The following TRIM5 variants were observed in gnomAD, a reference collection of about 807,000 sequenced individuals.
TRIM5 encodes tripartite motif-containing protein 5.
In TRIM5, 31 loss-of-function variants were observed where a neutral mutation model predicts 35.6. The observed-to-expected ratio is 0.87, with a 90% confidence interval of 0.65 to 1.18. TRIM5 has a LOEUF of 1.18. Among genes scored for constraint, TRIM5 ranks in the 50% most tolerant of loss-of-function variants. TRIM5 has a pLI of 0.00. For synonymous variants in TRIM5, 243 were observed against 215.6 expected, an observed-to-expected ratio of 1.13 and a Z score of -1.11; for missense variants, 609 against 591.6, an observed-to-expected ratio of 1.03 and a Z score of -0.31.
At chr11:5,600,241 T>C in the TRIM5 span, among the ~76,000 whole-genome samples, 2 of 152,228 alleles carry the variant, frequency 1.3e-5, no homozygotes, top group Non-Finnish European at 2.9e-5. Flanking sequence ...AAAGATCTAC[T>C]AAATACCAGT....
At chr11:5,610,424 T>G in the TRIM5 span, 21 of 1,597,490 alleles carry the variant, frequency 1.3e-5, no homozygotes, top group Non-Finnish European at 1.7e-5. Context: ...AATGGCCAGG[T>G]GACATCCTCA....
chr11:5,668,677 T>C (rs1260029039), intron 4 of TRIM5, among the ~76,000 whole-genome samples: 1 of 152,120 alleles, frequency 6.6e-6, no homozygotes, highest in African/African-American at 2.4e-5. Flanking sequence ...CTTGAACTCC[T>C]GACCTCAAGT....
the TRIM5 span, chr11:5,643,285 A>G: frequency 1.2e-4 from 196 of 1,614,066 alleles, 2 homozygotes; most frequent in South Asian, 1.9e-3. Flanking sequence ...TCCTCTGGGA[A>G]ACATTACTGG....
chr11:5,591,625 G>A, the TRIM5 span, among the ~76,000 whole-genome samples: 2 of 151,364 alleles, frequency 1.3e-5, no homozygotes, highest in Non-Finnish European at 2.9e-5. Flanking sequence ...TCCAGCCTGG[G>A]CAAAAAGGGC....
the TRIM5 span, chr11:5,605,134 C>A: frequency 3.0e-6 from 2 of 667,688 alleles, no homozygotes; most frequent in East Asian, 2.9e-5. Context: ...TAAAGCAGCC[C>A]GGGGCCAATG....
At chr11:5,634,530 C>CACATATATATATATATAT in the TRIM5 span, 9 of 203,882 alleles carry the variant, frequency 4.4e-5, no homozygotes, top group African/African-American at 3.1e-4. Context: ...CACACACACA[C>CACATATATATATATATAT]ATATATATAT....
downstream of TRIM5, among the ~76,000 whole-genome samples, chr11:5,662,124 G>C (rs1365386189): frequency 6.6e-6 from 1 of 152,218 alleles, no homozygotes; most frequent in East Asian, 1.9e-4. Flanking sequence ...CTGAGGTAGA[G>C]AGGTGTGTGC....
chr11:5,611,235 T>G, the TRIM5 span: 1 of 1,613,618 alleles, frequency 6.2e-7, no homozygotes, highest in Non-Finnish European at 8.5e-7. Flanking sequence ...AAACCATGGC[T>G]TCCCCATCTA....
chr11:5,642,374 T>C, the TRIM5 span: 1 of 1,590,908 alleles, frequency 6.3e-7, no homozygotes. Flanking sequence ...GGATGAGAGA[T>C]GTGGGGGTCA....
the TRIM5 span, among the ~76,000 whole-genome samples, chr11:5,629,256 G>A: frequency 1.3e-5 from 2 of 151,900 alleles, no homozygotes; most frequent in African/African-American, 2.4e-5. Flanking sequence ...CAGCCTGGGC[G>A]ACAGAGCGAA....
chr11:5,660,996 C>T (rs927760359), downstream of TRIM5, among the ~76,000 whole-genome samples: 10 of 115,400 alleles, frequency 8.7e-5, no homozygotes, highest in Admixed American at 7.7e-4. Flanking sequence ...GAGCCGAAAT[C>T]GCGCCACTGC....
the TRIM5 span, chr11:5,590,173 G>A: frequency 1.9e-5 from 3 of 156,696 alleles, no homozygotes; most frequent in East Asian, 1.9e-4. Context: ...GCCTCCATGG[G>A]CTCCTGTGCG....
chr11:5,656,943 C>T, the TRIM5 span, among the ~76,000 whole-genome samples: 1 of 152,192 alleles, frequency 6.6e-6, no homozygotes, highest in Admixed American at 6.5e-5. Flanking sequence ...CCATTTGACA[C>T]AGTAATCCCA....
the TRIM5 span, chr11:5,596,091 G>A: frequency 6.6e-6 from 1 of 152,390 alleles, no homozygotes; most frequent in Non-Finnish European, 1.5e-5. Context: ...CTCCTCCCCA[G>A]GCCCCGCCCC....
the TRIM5 span, among the ~76,000 whole-genome samples, chr11:5,653,789 C>A: frequency 4.6e-5 from 7 of 152,122 alleles, no homozygotes; most frequent in African/African-American, 1.7e-4. Flanking sequence ...CCACGCCCGG[C>A]TAAAACTGTT....
At chr11:5,642,482 A>G in the TRIM5 span, 3 of 1,613,928 alleles carry the variant, frequency 1.9e-6, no homozygotes, top group Admixed American at 5.0e-5. Context: ...TCCAGATCTG[A>G]GTAGGATGCT....
the TRIM5 span, among the ~76,000 whole-genome samples, chr11:5,647,091 C>T: frequency 6.6e-6 from 1 of 152,178 alleles, no homozygotes; most frequent in African/African-American, 2.4e-5. Flanking sequence ...GAGAGGAATC[C>T]TGTCTGGAGA....
chr11:5,682,569 G>T (rs1295853683), intron 1 of TRIM5, among the ~76,000 whole-genome samples: 2 of 152,144 alleles, frequency 1.3e-5, no homozygotes, highest in East Asian at 3.8e-4. Context: ...AAGCCAGACT[G>T]CCCAGCATGG....
chr11:5,658,600 G>A (rs1298735131), downstream of TRIM5, among the ~76,000 whole-genome samples: 1 of 152,180 alleles, frequency 6.6e-6, no homozygotes, highest in Non-Finnish European at 1.5e-5. Flanking sequence ...TATTCTGACT[G>A]CTTTTGTCAC....
Sources: allele counts gnomAD v4.1 joint callset (sites outside exome capture counted in the v4.1 genomes callset), GRCh38; gene constraint gnomAD v4.1.1; transcripts MANE v1.5; gene names NCBI Gene and HGNC (gene_info 2026-07-23, HGNC 2026-07-21).